The following ST8SIA2 variants were observed in gnomAD, a reference collection of about 807,000 sequenced individuals.
ST8SIA2 encodes alpha-2,8-sialyltransferase 8B.
ST8SIA2 carries 22 observed loss-of-function variants against 37.6 expected under a neutral mutation model. The observed-to-expected ratio is 0.58, with a 90% CI of 0.42 to 0.83. The LOEUF is 0.83. Among genes scored for constraint, ST8SIA2 ranks in the 40% least tolerant of loss-of-function variants. ST8SIA2 has a pLI of 0.00. For missense variants in ST8SIA2, 382 were observed against 484.7 expected, an observed-to-expected ratio of 0.79 and a Z score of 1.99; for synonymous variants, 205 against 201.2, an observed-to-expected ratio of 1.02 and a Z score of -0.16.
At chr15:92,463,876 A>C (rs1184718154) in intron 5 of ST8SIA2, among the ~76,000 whole-genome samples, 1 of 151,996 alleles carries the variant, frequency 6.6e-6, no homozygotes, top group Non-Finnish European at 1.5e-5. Flanking sequence ...TGTTTTGAGA[A>C]TTTCATAAAC....
chr15:92,448,900 G>A (rs2049861811), intron 5 of ST8SIA2, among the ~76,000 whole-genome samples: 1 of 152,028 alleles, frequency 6.6e-6, no homozygotes, highest in African/African-American at 2.4e-5. Context: ...CTTATGTTAA[G>A]ATGTGTTACC....
intron 1 of ST8SIA2, among the ~76,000 whole-genome samples, chr15:92,400,655 C>A (rs999938589): frequency 1.3e-5 from 2 of 152,166 alleles, no homozygotes; most frequent in Non-Finnish European, 2.9e-5. Context: ...TAGGTAAAAA[C>A]CAAAGATCTA....
At chr15:92,423,416 A>G (rs559621232) in intron 1 of ST8SIA2, among the ~76,000 whole-genome samples, 2 of 152,378 alleles carry the variant, frequency 1.3e-5, no homozygotes, top group East Asian at 1.9e-4. Flanking sequence ...GCAAGACTCC[A>G]TCTTAAAAAC....
chr15:92,400,196 G>A (rs2049460148), intron 1 of ST8SIA2, among the ~76,000 whole-genome samples: 4 of 151,960 alleles, frequency 2.6e-5, no homozygotes, highest in Admixed American at 2.0e-4. Context: ...CCTAGACCCC[G>A]TCCCCTTCCG....
In ST8SIA2 at chr15:92,427,000, A is replaced by T. The variant is rs1320103983; in HGVS notation, c.99-3049A>T. Among the ~76,000 whole-genome samples the T allele has an allele frequency of 2.2e-4, 34 of 152,204 alleles. 1 individual carries two copies. The highest frequency in any genetic ancestry group is 2.2e-3 in the Admixed American group (34 of 15,286). Reference sequence around the variant, plus strand: ...CTCCAACTACTCGGGATGCTGAAGCAGGAGAATTGCTTGAACCCAGGAGGT... The same window carrying T: ...CTCCAACTACTCGGGATGCTGAAGCTGGAGAATTGCTTGAACCCAGGAGGT... On this transcript the variant is annotated intron_variant, in intron 1 of 5. Coordinates refer to ENST00000268164, the MANE Select transcript of ST8SIA2 (RefSeq NM_006011.4).
At chr15:92,439,051 G>A (rs1469135799) in intron 4 of ST8SIA2, among the ~76,000 whole-genome samples, 1 of 152,192 alleles carries the variant, frequency 6.6e-6, no homozygotes, top group Non-Finnish European at 1.5e-5. Context: ...GGGTGAAATT[G>A]CAGAGTCAGA....
intron 3 of ST8SIA2, among the ~76,000 whole-genome samples, chr15:92,437,795 A>G (rs926171915): frequency 1.1e-4 from 17 of 152,150 alleles, no homozygotes; most frequent in African/African-American, 4.1e-4. Flanking sequence ...CTGCTCCTAG[A>G]CAAATTTATT....
chr15:92,457,698 G>C (rs2049929556), intron 5 of ST8SIA2, among the ~76,000 whole-genome samples: 1 of 152,148 alleles, frequency 6.6e-6, no homozygotes, highest in Non-Finnish European at 1.5e-5. Context: ...AAAGGAAATC[G>C]AGAGTGATTT....
At position 92,431,377 on chromosome 15, in the gene ST8SIA2, C is replaced by A. The variant is rs981646371; in HGVS notation, c.161+1266C>A. Among the ~76,000 whole-genome samples, 9 of 152,266 alleles carry A rather than the reference C, an allele frequency of 5.9e-5. No individual in the cohort carries two copies. In the South Asian group the frequency reaches 1.9e-3, roughly 32 times the overall value. ...TTTTACCCCTCTGAGCCTTGGCTTC[C>A]CCATTTAATTAGAATAATACTGCAG... On this transcript the variant is annotated intron_variant, in intron 2 of 5. Transcript: ENST00000268164.
At chr15:92,405,721 A>G (rs2049503846) in intron 1 of ST8SIA2, among the ~76,000 whole-genome samples, 1 of 152,216 alleles carries the variant, frequency 6.6e-6, no homozygotes, top group Admixed American at 6.5e-5. Flanking sequence ...GAAAAATACA[A>G]ATCATCACTT....
intron 5 of ST8SIA2, among the ~76,000 whole-genome samples, chr15:92,448,398 G>A (rs1482868863): frequency 1.3e-5 from 2 of 152,228 alleles, no homozygotes; most frequent in African/African-American, 4.8e-5. Flanking sequence ...GGTGTTCACT[G>A]CAAGTGGAGG....
chr15:92,452,019 G>A (rs535929406), intron 5 of ST8SIA2, among the ~76,000 whole-genome samples: 1 of 152,278 alleles, frequency 6.6e-6, no homozygotes, highest in African/African-American at 2.4e-5. Flanking sequence ...GAACCAAAGG[G>A]CTAGGAGCAG....
chr15:92,450,452 A>G (rs2049873790), intron 5 of ST8SIA2, among the ~76,000 whole-genome samples: 1 of 152,218 alleles, frequency 6.6e-6, no homozygotes, highest in African/African-American at 2.4e-5. Context: ...TATAAAGAAA[A>G]GAGGTTTAAT....
At chr15:92,445,851 C>T (rs567746255) in intron 5 of ST8SIA2, among the ~76,000 whole-genome samples, 2 of 152,196 alleles carry the variant, frequency 1.3e-5, no homozygotes, top group South Asian at 4.1e-4. Flanking sequence ...CCCAGCCAAA[C>T]AAGTAGTAGT....
chr15:92,426,308 TA>T (rs1314022285), intron 1 of ST8SIA2, among the ~76,000 whole-genome samples: 4 of 152,082 alleles, frequency 2.6e-5, no homozygotes, highest in African/African-American at 9.7e-5. Flanking sequence ...GATGCTGGGT[TA>T]GGGGGTTTGC....
chr15:92,462,841 C>A (rs1376869219), intron 5 of ST8SIA2, among the ~76,000 whole-genome samples: 1 of 152,164 alleles, frequency 6.6e-6, no homozygotes, highest in East Asian at 1.9e-4. Flanking sequence ...GAAGCTTTTA[C>A]TAGAAATAAA....
intron 5 of ST8SIA2, among the ~76,000 whole-genome samples, chr15:92,445,887 C>T (rs2049838916): frequency 6.6e-6 from 1 of 152,196 alleles, no homozygotes; most frequent in Non-Finnish European, 1.5e-5. Context: ...TGTTTCCTCC[C>T]ATTCATGTGA....
intron 1 of ST8SIA2, among the ~76,000 whole-genome samples, chr15:92,424,644 T>C (rs941008763): frequency 2.0e-5 from 3 of 151,694 alleles, no homozygotes; most frequent in Admixed American, 6.6e-5. Flanking sequence ...GACAGAGTCT[T>C]GCTCTGTCAC....
chr15:92,464,288 G>A lies in ST8SIA2; in HGVS notation c.1031G>A (p.Ser344Asn), dbSNP rs751694534. 1 of 1,613,832 alleles carries A rather than the reference G, an allele frequency of 6.2e-7. No individual in the cohort carries two copies. Among genetic ancestry groups the A allele is most frequent in the Admixed American group, 1.7e-5 (1 of 59,968 alleles). Residue 344 changes from serine (S) to asparagine (N), a missense_variant, in exon 6 of 6, where the codon AGC becomes AAC. Physicochemically the swap from Ser to Asn is conservative, Grantham distance 46 (BLOSUM62 1). Coordinates refer to ENST00000268164, the MANE Select transcript of ST8SIA2 (RefSeq NM_006011.4). ...AAGTATGGCTACACCTCCCAGGCCA[G>A]CCCGCATACCATGCCCTTGGAGTTT... ...SLKYGYTSQA[S>N]PHTMPLEFKA...
Sources: allele counts gnomAD v4.1 joint callset (sites outside exome capture counted in the v4.1 genomes callset), GRCh38; gene constraint gnomAD v4.1.1; transcripts MANE v1.5; gene names NCBI Gene and HGNC (gene_info 2026-07-23, HGNC 2026-07-21).